The following PATJ variants were observed in gnomAD, a reference collection of about 807,000 sequenced individuals.
PATJ encodes the protein PATJ crumbs cell polarity complex component, also known as inaD-like protein.
Under a neutral mutation model 224.9 loss-of-function variants are expected in PATJ, and 190 were observed. The ratio of observed to expected loss-of-function variants is 0.84; its 90% CI spans 0.75 to 0.95. PATJ has a LOEUF of 0.95. Among genes scored for constraint, PATJ ranks in the 40% least tolerant of loss-of-function variants. The probability of loss-of-function intolerance (pLI) is 0.00; values close to 1 mark genes in which losing one functional copy is unlikely to be tolerated. For synonymous variants in PATJ, 769 were observed against 820.3 expected (o/e 0.94, Z 1.07); for missense variants, 2,121 against 2,270.3 (o/e 0.93, Z 1.34).
intron 15 of PATJ, among the ~76,000 whole-genome samples, chr1:61,826,582 T>C (rs1658308333): frequency 6.6e-6 from 1 of 152,142 alleles, no homozygotes; most frequent in Non-Finnish European, 1.5e-5. Context: ...GTTATATATA[T>C]GAAAAATTAG....
intron 7 of PATJ, among the ~76,000 whole-genome samples, chr1:61,787,033 A>G (rs1648702864): frequency 6.6e-6 from 1 of 152,084 alleles, no homozygotes; most frequent in Admixed American, 6.6e-5. Context: ...CTATCTATCT[A>G]GAATCTCACT....
intron 29 of PATJ, among the ~76,000 whole-genome samples, chr1:62,019,668 T>A (rs61775625): frequency 0.12 from 17,563 of 152,012 alleles, 1,263 homozygotes; most frequent in Middle Eastern, 0.23. Flanking sequence ...TTATCCTTAC[T>A]CTCCTTTGAC....
chr1:61,874,203 T>C (rs1227957891), intron 20 of PATJ, among the ~76,000 whole-genome samples: 1 of 150,006 alleles, frequency 6.7e-6, no homozygotes, highest in Non-Finnish European at 1.5e-5. Context: ...TTTATTTATT[T>C]ATTTATTTAT....
chr1:62,151,543 A>G (rs1346627685), intron 42 of PATJ, among the ~76,000 whole-genome samples: 1 of 152,230 alleles, frequency 6.6e-6, no homozygotes, highest in Non-Finnish European at 1.5e-5. Flanking sequence ...GTGAGCCGAG[A>G]TAGCGCCACT....
chr1:61,986,582 G>A (rs925037894), intron 27 of PATJ, among the ~76,000 whole-genome samples: 3 of 151,970 alleles, frequency 2.0e-5, no homozygotes, highest in African/African-American at 7.3e-5. Context: ...GCTATGCTGG[G>A]CTAACTTTTT....
At chr1:62,126,238 A>G (rs892564249) in intron 39 of PATJ, among the ~76,000 whole-genome samples, 2 of 152,096 alleles carry the variant, frequency 1.3e-5, no homozygotes, top group African/African-American at 2.4e-5. Context: ...TGGAATTTCT[A>G]TCTGAATGTT....
rs71050183 is a variant in PATJ, at chr1:61,939,676, C to CTTTTTTTTTTTT, written c.3670+11862_3670+11873dup. Among the ~76,000 whole-genome samples, 20 of 58,876 alleles carry CTTTTTTTTTTTT rather than the reference C, an allele frequency of 3.4e-4. 8 individuals are homozygous for CTTTTTTTTTTTT. The highest frequency in any genetic ancestry group is 1.5e-3 in the African/African-American group (16 of 10,684). The allele number at this position is 58,876 out of a possible 152,430, so 38.6% of individuals were successfully genotyped here. On this transcript the variant is annotated intron_variant, in intron 27 of 43. Coordinates refer to ENST00000642238, the MANE Select transcript of PATJ (RefSeq NM_001350145.3). ...AGCATGTATAAAAAGTTTCTATGTG[C>CTTTTTTTTTTTT]TTTTTTTTTTTTTTTTTTTTTTTTT...
chr1:61,884,494 T>C, intron 22 of PATJ, 86 bp downstream of exon 22: 1 of 941,678 alleles, frequency 1.1e-6, no homozygotes, highest in Non-Finnish European at 1.5e-6. Flanking sequence ...TGCGTGATTT[T>C]GGTAGAACGT....
intron 18 of PATJ, among the ~76,000 whole-genome samples, chr1:61,858,382 C>T (rs1197996258): frequency 6.6e-6 from 1 of 152,154 alleles, no homozygotes; most frequent in Non-Finnish European, 1.5e-5. Context: ...TCTGCCTTGG[C>T]CTTCAAGTAG....
At chr1:61,992,127 T>C (rs1645102186) in intron 28 of PATJ, among the ~76,000 whole-genome samples, 1 of 151,658 alleles carries the variant, frequency 6.6e-6, no homozygotes, top group Non-Finnish European at 1.5e-5. Context: ...CTTTTTTTTT[T>C]TTTTTTTGAG....
In PATJ at chr1:62,065,412, A is replaced by G. The variant is rs568697877; in HGVS notation, c.4126-14038A>G. Among the ~76,000 whole-genome samples the G allele has an allele frequency of 3.3e-5, 5 of 152,234 alleles. No homozygotes were observed. In the South Asian group the frequency reaches 8.3e-4, roughly 25 times the overall value. ...GATCACCTGATTTCAGGAGTTTGAG[A>G]CCAGCCTGGGCAACATAGCAAAACC... is the stretch of plus-strand genomic sequence containing the variant. On this transcript the variant is annotated intron_variant, in intron 31 of 43. Coordinates refer to ENST00000642238, the MANE Select transcript of PATJ (RefSeq NM_001350145.3).
chr1:62,083,804 T>C (rs756849438), intron 32 of PATJ, among the ~76,000 whole-genome samples: 3 of 152,222 alleles, frequency 2.0e-5, no homozygotes, highest in Non-Finnish European at 4.4e-5. Flanking sequence ...ATGCTCTAAT[T>C]GAAAGTATTT....
Position 62,066,660 on chromosome 1 carries a change from G to A in PATJ, c.4126-12790G>A, listed in dbSNP as rs1656487909. ...TTTAAGTATATTCCTCCTGCCAACT[G>A]CACAGACAAAATCAACCCACTGAGA... is the stretch of plus-strand genomic sequence containing the variant. On this transcript the variant is annotated intron_variant, in intron 31 of 43. Transcript: ENST00000642238. 2.6e-5 allele frequency among the ~76,000 whole-genome samples: 4 copies of A among 152,148 alleles called. No individual in the cohort carries two copies. The South Asian group carries it at 8.3e-4, about 32-fold the overall frequency.
chr1:61,795,048 G>A (rs1365573623), intron 9 of PATJ, among the ~76,000 whole-genome samples: 1 of 144,172 alleles, frequency 6.9e-6, no homozygotes, highest in Non-Finnish European at 1.5e-5. Context: ...AACATGAGCA[G>A]TGATCTAAAT....
chr1:62,108,116 C>A (rs1046104260), intron 33 of PATJ, among the ~76,000 whole-genome samples: 8 of 152,082 alleles, frequency 5.3e-5, no homozygotes, highest in Non-Finnish European at 1.0e-4. Context: ...TCAAAATACA[C>A]TATAAAATGT....
rs1401452476 is a variant in PATJ at position 61,775,309 on chromosome 1, T to C, written c.824T>C (p.Ile275Thr). Residue 275 changes from isoleucine (I) to threonine (T), a missense_variant, in exon 7 of 44, where the codon ATA becomes ACA. Physicochemically the swap from Ile to Thr is moderately conservative, Grantham distance 89 (BLOSUM62 -1). Coordinates refer to ENST00000642238, the MANE Select transcript of PATJ (RefSeq NM_001350145.3). ...ACAAGTGGCGTGGTTGTGAGGACTA[T>C]AGTTCCTGGAGGATTAGCAGATCGA... ...GKTSGVVVRT[I>T]VPGGLADRDG... is the part of the protein sequence containing the mutation. 21 of 1,613,406 alleles carry C rather than the reference T, an allele frequency of 1.3e-5. No individual in the cohort carries two copies. Among genetic ancestry groups the C allele is most frequent in the Non-Finnish European group, 2.5e-6 (3 of 1,179,766 alleles).
At chr1:62,011,095 A>G (rs772874162) in intron 28 of PATJ, among the ~76,000 whole-genome samples, 9 of 152,228 alleles carry the variant, frequency 5.9e-5, no homozygotes, top group Non-Finnish European at 1.0e-4. Context: ...ACTTCTATCC[A>G]GACCACTCAA....
chr1:61,842,228 C>T (rs1661213385), intron 17 of PATJ, among the ~76,000 whole-genome samples: 1 of 152,126 alleles, frequency 6.6e-6, no homozygotes, highest in Admixed American at 6.5e-5. Context: ...GCTTGAAATC[C>T]AGATAGTACA....
rs1441266628 is a variant in PATJ, at chr1:61,787,777, C to T, written c.873C>T (p.Asp291=). 1 of 1,613,960 alleles carries T rather than the reference C, an allele frequency of 6.2e-7. No homozygotes were observed. The highest frequency in any genetic ancestry group is 1.7e-5 in the Admixed American group (1 of 60,022). Residue 291 remains aspartate (D), a synonymous_variant, in exon 8 of 44, where the codon GAC becomes GAT. Coordinates refer to ENST00000642238, the MANE Select transcript of PATJ (RefSeq NM_001350145.3). ...AGGATGGAAGACTCCAGACAGGGGA[C>T]CACATCTTGAAGATTGGTGGCACAA... ...ADRDGRLQTG[D]HILKIGGTNV...
Sources: allele counts gnomAD v4.1 joint callset (sites outside exome capture counted in the v4.1 genomes callset), GRCh38; gene constraint gnomAD v4.1.1; transcripts MANE v1.5; gene names NCBI Gene and HGNC (gene_info 2026-07-23, HGNC 2026-07-21).